PCDHA12: variants seen among roughly 807,000 people sequenced by gnomAD.
PCDHA12 encodes protocadherin alpha 12.
In PCDHA12, 44 loss-of-function variants were observed where a neutral mutation model predicts 60.0. The observed-to-expected ratio is 0.73, with a 90% CI of 0.58 to 0.94. The LOEUF (loss-of-function observed/expected upper bound fraction) is 0.94, where lower values mean the gene tolerates loss of function less well. Ranked by LOEUF, PCDHA12 falls within the 40% of genes least tolerant of loss-of-function variation. PCDHA12 has a pLI of 0.00. For missense variants in PCDHA12, 1,276 were observed against 1,239.7 expected, an observed-to-expected ratio of 1.03 and a Z score of -0.44; for synonymous variants, 569 against 553.0, an observed-to-expected ratio of 1.03 and a Z score of -0.40.
chr5:140,902,316 G>C (rs2069370797), intron 1 of PCDHA12, among the ~76,000 whole-genome samples: 1 of 151,402 alleles, frequency 6.6e-6, no homozygotes, highest in Non-Finnish European at 1.5e-5. Context: ...GGGATTACAG[G>C]TGTAACTCAC....
chr5:140,892,185 C>T (rs569665979), intron 1 of PCDHA12, among the ~76,000 whole-genome samples: 1 of 152,254 alleles, frequency 6.6e-6, no homozygotes, highest in East Asian at 1.9e-4. Flanking sequence ...CCTCATGGGT[C>T]TATTCCTGTG....
intron 1 of PCDHA12, chr5:140,882,203 T>C: frequency 6.5e-7 from 1 of 1,530,090 alleles, no homozygotes; most frequent in East Asian, 2.3e-5. Context: ...AATTGGGCCT[T>C]GAGAGACAGT....
chr5:140,952,531 C>T (rs1463200514), intron 1 of PCDHA12, among the ~76,000 whole-genome samples: 1 of 152,138 alleles, frequency 6.6e-6, no homozygotes, highest in Non-Finnish European at 1.5e-5. Context: ...CCTCCTCAGA[C>T]TGGACTTCTT....
At chr5:140,910,099 T>G (rs1554194123) in intron 1 of PCDHA12, among the ~76,000 whole-genome samples, 1 of 152,230 alleles carries the variant, frequency 6.6e-6, no homozygotes, top group African/African-American at 2.4e-5. Context: ...CAGCCTCCCC[T>G]TCATTTAAGG....
intron 3 of PCDHA12, among the ~76,000 whole-genome samples, chr5:140,989,714 A>T (rs2097355942): frequency 6.6e-6 from 1 of 152,202 alleles, no homozygotes; most frequent in Non-Finnish European, 1.5e-5. Context: ...AGAGGCAGTC[A>T]GCTTTGCAGT....
At chr5:140,919,976 G>A (rs552658832) in intron 1 of PCDHA12, among the ~76,000 whole-genome samples, 1 of 134,018 alleles carries the variant, frequency 7.5e-6, no homozygotes, top group Non-Finnish European at 1.7e-5. Context: ...ATAAGAGATA[G>A]AAGATGGAAA....
chr5:140,955,440 G>A (rs1332391978), intron 1 of PCDHA12, among the ~76,000 whole-genome samples: 3 of 152,022 alleles, frequency 2.0e-5, no homozygotes, highest in Admixed American at 2.0e-4. Context: ...TAGGTCTGAT[G>A]GTTTTATAAG....
At chr5:140,918,640 G>C (rs2078789038) in intron 1 of PCDHA12, among the ~76,000 whole-genome samples, 1 of 152,132 alleles carries the variant, frequency 6.6e-6, no homozygotes, top group Admixed American at 6.5e-5. Flanking sequence ...TTCATAAATT[G>C]AAACCTAATT....
intron 3 of PCDHA12, among the ~76,000 whole-genome samples, chr5:141,008,156 G>A (rs1231186640): frequency 6.6e-6 from 1 of 152,150 alleles, no homozygotes; most frequent in Non-Finnish European, 1.5e-5. Context: ...GGTTTGATAA[G>A]ATGAGGACTA....
At position 140,980,991 on chromosome 5, in the gene PCDHA12, C is replaced by G. The variant is rs888673669; in HGVS notation, c.2427-1484C>G. Among the ~76,000 whole-genome samples the G allele has an allele frequency of 1.2e-4, 18 of 151,972 alleles. 1 individual carries two copies. Among genetic ancestry groups the G allele is most frequent in the Non-Finnish European group, 8.8e-5 (6 of 68,014 alleles). ...AATCTGACTGAGCCCACACAATTTG[C>G]TAGTAGGATCCAGGAACACTTGAAG... On this transcript the variant is annotated intron_variant, in intron 2 of 3. Transcript: ENST00000398631.
intron 1 of PCDHA12, among the ~76,000 whole-genome samples, chr5:140,908,920 C>A (rs782461394): frequency 6.6e-5 from 10 of 152,180 alleles, no homozygotes; most frequent in Admixed American, 1.3e-4. Flanking sequence ...GTAGGAGGGG[C>A]CAAATGCAGC....
chr5:140,926,997 C>T (rs782110120), intron 1 of PCDHA12: 3 of 1,612,104 alleles, frequency 1.9e-6, no homozygotes, highest in Admixed American at 3.3e-5. Context: ...GGGGCGTAGC[C>T]GTAGGCAATC....
intron 1 of PCDHA12, among the ~76,000 whole-genome samples, chr5:140,893,408 T>C (rs1562871197): frequency 6.6e-6 from 1 of 152,076 alleles, no homozygotes; most frequent in Non-Finnish European, 1.5e-5. Flanking sequence ...ATCCCAGCAC[T>C]TAGGGAGGCA....
At chr5:140,906,487 CA>C (rs1346198597) in intron 1 of PCDHA12, among the ~76,000 whole-genome samples, 1 of 152,180 alleles carries the variant, frequency 6.6e-6, no homozygotes, top group Non-Finnish European at 1.5e-5. Context: ...TATAAATGCA[CA>C]AACATGTTTT....
chr5:140,971,557 T>A (rs1483701815), intron 1 of PCDHA12, among the ~76,000 whole-genome samples: 5 of 152,150 alleles, frequency 3.3e-5, no homozygotes, highest in Non-Finnish European at 7.4e-5. Context: ...CCTGTTAAAT[T>A]CCCATGTTGG....
chr5:140,912,897 G>A (rs782442093), intron 1 of PCDHA12, among the ~76,000 whole-genome samples: 5 of 152,172 alleles, frequency 3.3e-5, no homozygotes, highest in Non-Finnish European at 5.9e-5. Context: ...TTGATATGAT[G>A]TATCATATTG....
chr5:140,996,553 A>G lies in PCDHA12; in HGVS notation c.2516-13074A>G, dbSNP rs868960335. 1.1e-4 allele frequency among the ~76,000 whole-genome samples: 16 copies of G among 152,172 alleles called. No individual in the cohort carries two copies. In the South Asian group the frequency reaches 2.7e-3, roughly 26 times the overall value. On this transcript the variant is annotated intron_variant, in intron 3 of 3. Transcript: ENST00000398631. The stretch of plus-strand genomic sequence containing the variant: ...TGTGTTTTGATATTATGCTGTCACT[A>G]TCTTGAAGTTCTTGATAATTTGTTA...
chr5:140,935,286 C>T (rs1283279527), intron 1 of PCDHA12, among the ~76,000 whole-genome samples: 1 of 152,150 alleles, frequency 6.6e-6, no homozygotes, highest in Non-Finnish European at 1.5e-5. Context: ...TAAAGTTCAG[C>T]ACTCCGAGGT....
chr5:140,949,161 C>T (rs2094347975), intron 1 of PCDHA12, among the ~76,000 whole-genome samples: 1 of 151,598 alleles, frequency 6.6e-6, no homozygotes, highest in Admixed American at 6.6e-5. Context: ...TAATCTAATT[C>T]TCTTTTGGTC....
Sources: gnomAD v4.1 joint callset for allele counts (sites outside exome capture counted in the v4.1 genomes callset) on GRCh38, gnomAD v4.1.1 for gene constraint, MANE v1.5 for transcripts, NCBI Gene and HGNC (gene_info 2026-07-23, HGNC 2026-07-21) for gene names.